The following MICAL1 variants were observed in gnomAD, a reference collection of about 807,000 sequenced individuals.
MICAL1 encodes microtubule associated monooxygenase, calponin and LIM domain containing 1, also known as [F-actin]-monooxygenase MICAL1.
Under a neutral mutation model 131.8 loss-of-function variants are expected in MICAL1, and 95 were observed. The ratio of observed to expected loss-of-function variants is 0.72; its 90% CI spans 0.61 to 0.86. MICAL1 has a LOEUF of 0.86. Among genes scored for constraint, MICAL1 ranks in the 40% least tolerant of loss-of-function variants. The pLI is 0.00. For synonymous variants in MICAL1, 546 were observed against 554.2 expected (o/e 0.99, Z 0.21); for missense variants, 1,292 against 1,380.6 (o/e 0.94, Z 1.02).
At chr6:109,449,280 A>G (rs1206106491) in intron 11 of MICAL1, 120 bp downstream of exon 11, 1 of 1,121,706 alleles carries the variant, frequency 8.9e-7, no homozygotes, top group Non-Finnish European at 1.4e-6. Flanking sequence ...CCCACCAGCC[A>G]ACAATGAGTG....
intron 11 of MICAL1, 147 bp from the exon 12 acceptor site, chr6:109,449,026 A>G (rs1198417604): frequency 6.9e-6 from 7 of 1,014,924 alleles, no homozygotes; most frequent in Non-Finnish European, 9.9e-6. Flanking sequence ...GCTGACTATC[A>G]GCAGCTCTCC....
In MICAL1 at chr6:109,453,258, C is replaced by G. The variant is rs752133056; in HGVS notation, c.571+5G>C. 6.2e-6 allele frequency: 10 copies of G among 1,611,668 alleles called. No individual in the cohort carries two copies. Among genetic ancestry groups the G allele is most frequent in the Non-Finnish European group, 8.5e-6 (10 of 1,177,974 alleles). ...GGAGATTCCAGGGAGCATAGAAATA[C>G]TTACCCTTCCTAGGAGGGGGCTGGA... On this transcript the variant is annotated splice_donor_5th_base_variant and intron_variant, in intron 4 of 24. Transcript: ENST00000358807.
chr6:109,458,385 C>T (rs999783302), upstream of MICAL1, among the ~76,000 whole-genome samples: 1 of 152,050 alleles, frequency 6.6e-6, no homozygotes, highest in Admixed American at 6.6e-5. Flanking sequence ...CACCTGAGGT[C>T]GGGAGTTCGA....
intron 2 of MICAL1, 32 bp from the exon 3 acceptor site, chr6:109,453,877 A>G: frequency 6.2e-7 from 1 of 1,610,896 alleles, no homozygotes; most frequent in Non-Finnish European, 8.5e-7. Context: ...AGGGCATGGC[A>G]TCCTGTCCGT....
Position 109,449,646 on chromosome 6 carries a change from G to C in MICAL1, c.1434+11C>G. 1 of 1,583,102 alleles carries C rather than the reference G, an allele frequency of 6.3e-7. No individual in the cohort carries two copies. The highest frequency in any genetic ancestry group is 2.2e-5 in the East Asian group (1 of 44,700). ...GCTTGGGAAGGCTGGTGGGTGTGTC[G>C]GGGGTCTGACCTGATTGGGGGTCAC... On this transcript the variant is annotated intron_variant, in intron 10 of 24. Transcript: ENST00000358807.
upstream of MICAL1, among the ~76,000 whole-genome samples, chr6:109,457,882 C>T (rs1165904272): frequency 1.3e-5 from 2 of 152,212 alleles, no homozygotes; most frequent in African/African-American, 4.8e-5. Context: ...CATAAAGCAG[C>T]AGGGAATACA....
chr6:109,457,516 G>A (rs532333605), upstream of MICAL1, among the ~76,000 whole-genome samples: 1 of 151,570 alleles, frequency 6.6e-6, no homozygotes, highest in Admixed American at 6.6e-5. Context: ...ATAAAGAGGA[G>A]GGTTGCTGTC....
rs79116930 is a variant in MICAL1, at chr6:109,452,028, C to G, written c.832+218G>C. ...TAAGCAAAACTCCCATACACAGGTT[C>G]ATCTCTGAGAGATTCCAGGACTTTT... is the stretch of plus-strand genomic sequence containing the variant. On this transcript the variant is annotated intron_variant, in intron 6 of 24. Transcript: ENST00000358807. 5.1e-4 allele frequency: 720 copies of G among 1,407,090 alleles called. 1 individual carries two copies. The African/African-American group carries it at 9.6e-3, about 19-fold the overall frequency. 87.2% of individuals were successfully genotyped at this position (1,407,090 alleles called of 1,614,324 possible). A position where few individuals can be genotyped will look rare whatever the true frequency, so the allele number is the denominator to read the frequency against.
chr6:109,461,162 G>A lies in MICAL1; in HGVS notation c.14+4502C>T, dbSNP rs1350929983. Among the ~76,000 whole-genome samples, 3 of 145,572 alleles carry A rather than the reference G, an allele frequency of 2.1e-5. No individual in the cohort carries two copies. The Admixed American group carries it at 2.1e-4, about 10-fold the overall frequency. ...GATGTTCCCTGCCTTGTGTCCAAGTGTTCTCATTGTTCAATTCCCATCTAT... is the reference window on the plus strand; with the variant it reads ...GATGTTCCCTGCCTTGTGTCCAAGTATTCTCATTGTTCAATTCCCATCTAT... On this transcript the variant is annotated intron_variant, in intron 1 of 24. Transcript: ENST00000630715.
chr6:109,444,979 T>C lies in MICAL1; in HGVS notation c.2898A>G (p.Gln966=), dbSNP rs368707670. The C allele has an allele frequency of 1.1e-4, 171 of 1,613,930 alleles. No individual in the cohort carries two copies. The highest frequency in any genetic ancestry group is 5.5e-4 in the African/African-American group (41 of 75,052). ...GCAGCTGTCCTACCCATAGTTTCTT[T>C]TGCTGTTCTGGGGAACCTGAGAAGA... The part of the protein sequence containing the change: ...LRRQSSSPEQ[Q]KKLWVGQLLQ... The change falls in exon 23 of 25, where the codon CAA becomes CAG. Residue 966 remains glutamine, a synonymous_variant. Transcript: ENST00000358807.
chr6:109,445,593 T>C, intron 20 of MICAL1, 64 bp from the exon 21 acceptor site: 1 of 1,591,242 alleles, frequency 6.3e-7, no homozygotes, highest in Non-Finnish European at 8.6e-7. Context: ...GAGTGTTGTT[T>C]GGAAAGGCAG....
intron 17 of MICAL1, 89 bp from the exon 18 acceptor site, chr6:109,446,861 CAA>C: frequency 7.3e-7 from 1 of 1,376,230 alleles, no homozygotes; most frequent in East Asian, 2.4e-5. Context: ...GTGGGGAAAA[CAA>C]GACAGATTTG....
Position 109,449,104 on chromosome 6 carries a change from A to G in MICAL1, c.1517-225T>C, listed in dbSNP as rs948177897. ...GAGGAGTGAATAAAGTGAAATCGCA[A>G]CTGGCCACATAGAGGGCAGCAGACT... On this transcript the variant is annotated intron_variant, in intron 11 of 24. Transcript: ENST00000358807. 7 of 680,806 alleles carry G rather than the reference A, an allele frequency of 1.0e-5. No individual in the cohort carries two copies. The Admixed American group carries it at 1.7e-4, about 16-fold the overall frequency. The allele number at this position is 680,806 out of a possible 1,614,324, so 42.2% of individuals were successfully genotyped here.
In MICAL1 at chr6:109,450,562, A is replaced by G. The variant is rs1444900215; in HGVS notation, c.934-5T>C. On this transcript the variant is annotated splice_region_variant and splice_polypyrimidine_tract_variant and intron_variant, in intron 7 of 24. Transcript: ENST00000358807. ...CCGATTGGTGTCTGGCCAGTCCTGT[A>G]TGGTCAACAGAGCAGAACCTCAGAG... 1.3e-6 allele frequency: 2 copies of G among 1,598,490 alleles called. No homozygotes were observed. The highest frequency in any genetic ancestry group is 2.2e-5 in the South Asian group (2 of 90,672).
At position 109,455,105 on chromosome 6, in the gene MICAL1, C is replaced by T. The variant is rs1274847255; in HGVS notation, c.-44+614G>A. On this transcript the variant is annotated intron_variant, in intron 1 of 24. Transcript: ENST00000358807. This position sits in a 1 kb window ranked among gnomAD's most constrained non-coding sequence, Gnocchi z 4.7. Reference sequence around the variant, plus strand: ...TCCCAGGAATCTCCGGAGACAAAGCCTCGCTTTGTCGCCCCCTCCCACGCC... The same window carrying T: ...TCCCAGGAATCTCCGGAGACAAAGCTTCGCTTTGTCGCCCCCTCCCACGCC... Among the ~76,000 whole-genome samples, 1 of 152,116 alleles carries T rather than the reference C, an allele frequency of 6.6e-6. No individual in the cohort carries two copies. Among genetic ancestry groups the T allele is most frequent in the African/African-American group, 2.4e-5 (1 of 41,440 alleles).
chr6:109,454,612 G>A (rs1162473385), intron 1 of MICAL1: 1 of 257,774 alleles, frequency 3.9e-6, no homozygotes. Flanking sequence ...ATGTGGAGAG[G>A]ACAGAGCTGC....
Position 109,447,186 on chromosome 6 carries a change from T to C in MICAL1, c.2114A>G (p.Tyr705Cys). 6.2e-7 allele frequency: 1 copy of C among 1,614,038 alleles called. No homozygotes were observed. Among genetic ancestry groups the C allele is most frequent in the Non-Finnish European group, 8.5e-7 (1 of 1,179,956 alleles). ...DLCALCGEHL[Y>C]VLERLCVNGH... ...GTTGACACAGAGGCGTTCCAGGACA[T>C]AGAGGTGTTCCCCACAAAGTGCACA... The change falls in exon 17 of 25, where the codon TAT becomes TGT. Residue 705 changes from tyrosine (Y) to cysteine (C), a missense_variant. Physicochemically the swap from Tyr to Cys is radical, Grantham distance 194. Transcript: ENST00000358807.
intron 19 of MICAL1, 23 bp downstream of exon 19, chr6:109,446,113 G>T (rs1286396652): frequency 2.0e-6 from 3 of 1,526,890 alleles, no homozygotes; most frequent in Non-Finnish European, 2.6e-6. Context: ...CCCTGGGTCA[G>T]CACATCTGTG....
chr6:109,450,312 G>T lies in MICAL1; in HGVS notation c.1179C>A (p.Asp393Glu). 6.2e-7 allele frequency: 1 copy of T among 1,606,894 alleles called. No homozygotes were observed. Among genetic ancestry groups the T allele is most frequent in the Non-Finnish European group, 8.5e-7 (1 of 1,174,870 alleles). Residue 393 changes from aspartate to glutamate, a missense_variant, in exon 8 of 25, where the codon GAC becomes GAA. Physicochemically the swap from Asp to Glu is conservative, Grantham distance 45. Transcript: ENST00000358807. ...GARLLLGLVG[D>E]CLVEPFWPLG... ...CTGAACCCCTCACCTCCACCAGGCA[G>T]TCCCCCACCAGTCCCAGCAGCAGGC...
Sources: gnomAD v4.1 joint callset for allele counts (sites outside exome capture counted in the v4.1 genomes callset) on GRCh38, gnomAD v4.1.1 for gene constraint, Gnocchi (gnomAD v3.1) non-coding constraint, MANE v1.5 for transcripts, NCBI Gene and HGNC (gene_info 2026-07-23, HGNC 2026-07-21) for gene names.